Variants in KCNIP1 observed in about 807,000 individuals in gnomAD.
KCNIP1 encodes the protein A-type potassium channel modulatory protein KCNIP1.
In KCNIP1, 18 loss-of-function variants were observed where a neutral mutation model predicts 33.0. The ratio of observed to expected loss-of-function variants is 0.55; its 90% CI spans 0.38 to 0.81. The LOEUF (loss-of-function observed/expected upper bound fraction) is 0.81, where lower values mean the gene tolerates loss of function less well. Among genes scored for constraint, KCNIP1 ranks in the 30% least tolerant of loss-of-function variants. The pLI is 0.00. For missense variants in KCNIP1, 238 were observed against 271.6 expected, an observed-to-expected ratio of 0.88 and a Z score of 0.87; for synonymous variants, 93 against 98.3, an observed-to-expected ratio of 0.95 and a Z score of 0.32.
intron 1 of KCNIP1, among the ~76,000 whole-genome samples, chr5:170,618,294 C>T (rs1433079750): frequency 6.6e-6 from 1 of 151,768 alleles, no homozygotes. Flanking sequence ...GTTCTGAGAG[C>T]TCAGGAGGGT....
chr5:170,721,037 C>T (rs1763801515), intron 3 of KCNIP1, among the ~76,000 whole-genome samples: 1 of 152,252 alleles, frequency 6.6e-6, no homozygotes, highest in South Asian at 2.1e-4. Context: ...GGTGACTCCT[C>T]CTGTGGCCTC....
chr5:170,464,532 G>A (rs1296868989), intron 1 of KCNIP1, among the ~76,000 whole-genome samples: 4 of 152,214 alleles, frequency 2.6e-5, no homozygotes, highest in African/African-American at 9.7e-5. Flanking sequence ...AACTGAGTAC[G>A]GTAATATTTA....
intron 1 of KCNIP1, among the ~76,000 whole-genome samples, chr5:170,694,402 CTT>C (rs1383606337): frequency 6.6e-5 from 10 of 152,044 alleles, no homozygotes; most frequent in Admixed American, 6.5e-4. Context: ...GAGCAGCTCT[CTT>C]TTGAAGATCT....
chr5:170,441,703 C>T (rs543319163), intron 1 of KCNIP1, among the ~76,000 whole-genome samples: 94 of 152,154 alleles, frequency 6.2e-4, no homozygotes, highest in African/African-American at 2.1e-3. Flanking sequence ...CCGTGGCTCA[C>T]GCCTGTAATC....
chr5:170,627,974 C>T (rs1759900413), intron 1 of KCNIP1, among the ~76,000 whole-genome samples: 2 of 152,208 alleles, frequency 1.3e-5, no homozygotes, highest in African/African-American at 2.4e-5. Flanking sequence ...CATCCCCCAG[C>T]GCCAGGCCTG....
intron 1 of KCNIP1, among the ~76,000 whole-genome samples, chr5:170,399,398 A>T (rs1754838461): frequency 6.6e-6 from 1 of 152,222 alleles, no homozygotes; most frequent in Non-Finnish European, 1.5e-5. Context: ...GTCGCATTTT[A>T]TTAAACCAGA....
chr5:170,394,687 G>GT lies in KCNIP1; in HGVS notation c.88+40723_88+40724insT, dbSNP rs140049012. 7.2e-5 allele frequency among the ~76,000 whole-genome samples: 11 copies of GT among 152,286 alleles called. No individual in the cohort carries two copies. The East Asian group carries it at 1.9e-3, about 27-fold the overall frequency. On this transcript the variant is annotated intron_variant, in intron 1 of 7. Transcript: ENST00000377360. ...TGATGCTGACGTTTGAGCTTCTATTGATCCCATCACTGATAGAGTGAACAT... is the reference window on the plus strand; with the variant it reads ...TGATGCTGACGTTTGAGCTTCTATTGTATCCCATCACTGATAGAGTGAACAT...
chr5:170,382,043 C>A (rs1453329156), intron 1 of KCNIP1, among the ~76,000 whole-genome samples: 1 of 152,148 alleles, frequency 6.6e-6, no homozygotes, highest in South Asian at 2.1e-4. Context: ...AGGCACCCTG[C>A]CCCTTCCCGT....
At chr5:170,366,218 C>G (rs979149855) in intron 1 of KCNIP1, among the ~76,000 whole-genome samples, 5 of 152,186 alleles carry the variant, frequency 3.3e-5, no homozygotes, top group African/African-American at 1.2e-4. Flanking sequence ...CACTCCTGCC[C>G]CACTCCCAGC....
chr5:170,435,232 G>C (rs900808884), intron 1 of KCNIP1, among the ~76,000 whole-genome samples: 2 of 152,348 alleles, frequency 1.3e-5, no homozygotes, highest in Admixed American at 1.3e-4. Context: ...TTGCTACAAC[G>C]TGTAGCCTCT....
chr5:170,675,843 G>A (rs1762112099), intron 1 of KCNIP1, among the ~76,000 whole-genome samples: 1 of 152,114 alleles, frequency 6.6e-6, no homozygotes, highest in Non-Finnish European at 1.5e-5. Flanking sequence ...GAGTGGCATA[G>A]TATTGTTTCA....
rs750833631 is a variant in KCNIP1 at position 170,353,932 on chromosome 5, T to C, written c.56T>C (p.Ile19Thr). 2.5e-6 allele frequency: 4 copies of C among 1,614,178 alleles called. No individual in the cohort carries two copies. In the Admixed American group the frequency reaches 5.0e-5, roughly 20 times the overall value. Residue 19 changes from isoleucine to threonine, a missense_variant, in exon 1 of 8, where the codon ATC becomes ACC. Ile to Thr is a moderately conservative substitution (Grantham distance 89). Coordinates refer to the KCNIP1 transcript ENST00000377360. ...GGGTTCGTGAAATTTGCCCAGACCATCTTTAAGCTCATCACTGGGACCCTC... is the reference window on the plus strand; with the variant it reads ...GGGTTCGTGAAATTTGCCCAGACCACCTTTAAGCTCATCACTGGGACCCTC...
intron 1 of KCNIP1, among the ~76,000 whole-genome samples, chr5:170,697,124 G>A (rs1467559436): frequency 1.3e-5 from 2 of 151,440 alleles, no homozygotes; most frequent in Non-Finnish European, 2.9e-5. Context: ...TTCCTATCTA[G>A]TCAGATTCCA....
chr5:170,493,543 C>T (rs540792539), intron 1 of KCNIP1, among the ~76,000 whole-genome samples: 20 of 152,244 alleles, frequency 1.3e-4, no homozygotes, highest in Middle Eastern at 3.4e-3. Context: ...TCTCCAAAGT[C>T]CCTCCAGCTG....
At chr5:170,711,994 C>T (rs2113856633) in intron 1 of KCNIP1, among the ~76,000 whole-genome samples, 1 of 152,240 alleles carries the variant, frequency 6.6e-6, no homozygotes, top group African/African-American at 2.4e-5. Context: ...GCCAGGGGTG[C>T]TTGCAAGACA....
At chr5:170,705,440 A>G (rs1333371769) in intron 1 of KCNIP1, among the ~76,000 whole-genome samples, 1 of 152,194 alleles carries the variant, frequency 6.6e-6, no homozygotes, top group Non-Finnish European at 1.5e-5. Context: ...AACAGTGCTC[A>G]TGGACTGTCC....
chr5:170,684,166 G>A (rs1329939636), intron 1 of KCNIP1, among the ~76,000 whole-genome samples: 1 of 152,176 alleles, frequency 6.6e-6, no homozygotes, highest in East Asian at 1.9e-4. Flanking sequence ...GGTGGGACAA[G>A]TCTCTTTTTC....
chr5:170,598,562 C>G lies in KCNIP1; in HGVS notation c.61+93929C>G, dbSNP rs377080322. 7.2e-5 allele frequency among the ~76,000 whole-genome samples: 11 copies of G among 152,134 alleles called. No homozygotes were observed. In the East Asian group the frequency reaches 1.2e-3, roughly 16 times the overall value. On this transcript the variant is annotated intron_variant, in intron 1 of 7. Transcript: ENST00000328939. Reference sequence around the variant, plus strand: ...CCCAGAAAAAAGCAAGTGGAAAAAGCAAAGAACCAGGACATGGGTGGACTC... The same window carrying G: ...CCCAGAAAAAAGCAAGTGGAAAAAGGAAAGAACCAGGACATGGGTGGACTC...
intron 1 of KCNIP1, among the ~76,000 whole-genome samples, chr5:170,367,400 A>C (rs540730517): frequency 7.8e-6 from 1 of 128,230 alleles, no homozygotes; most frequent in Non-Finnish European, 1.7e-5. Context: ...AAAGAAAGAA[A>C]GAAAGAAAGA....
Sources: gnomAD v4.1 joint callset for allele counts (sites outside exome capture counted in the v4.1 genomes callset) on GRCh38, gnomAD v4.1.1 for gene constraint, MANE v1.5 for transcripts, NCBI Gene and HGNC (gene_info 2026-07-23, HGNC 2026-07-21) for gene names.